ZZEF1: variants seen among roughly 807,000 people sequenced by gnomAD.
ZZEF1 encodes zinc finger ZZ-type and EF-hand domain containing 1.
Under a neutral mutation model 342.8 loss-of-function variants are expected in ZZEF1, and 157 were observed. That is an observed-to-expected ratio of 0.46 (90% CI 0.40 to 0.52). The LOEUF is 0.52. Ranked by LOEUF, ZZEF1 falls within the 20% of genes least tolerant of loss-of-function variation. The probability of loss-of-function intolerance (pLI) is 0.00; values close to 1 mark genes in which losing one functional copy is unlikely to be tolerated. For synonymous variants in ZZEF1, 1,505 were observed against 1,429.1 expected (o/e 1.05, Z -1.20); for missense variants, 3,480 against 3,725.6 (o/e 0.93, Z 1.72).
At chr17:4,044,188 T>C (rs770064373) in intron 38 of ZZEF1, 36 bp downstream of exon 38, 2 of 1,608,152 alleles carry the variant, frequency 1.2e-6, no homozygotes, top group Non-Finnish European at 8.5e-7. Context: ...CATTTTAAGA[T>C]GAAAGAGATG....
At chr17:4,025,158 G>A in intron 42 of ZZEF1, 40 bp from the exon 43 acceptor site, 1 of 1,589,070 alleles carries the variant, frequency 6.3e-7, no homozygotes, top group East Asian at 2.2e-5. Flanking sequence ...AGGCACAAAA[G>A]TACAGTTCAT....
At chr17:4,100,093 C>CCCGGG (rs1373725113) in intron 9 of ZZEF1, among the ~76,000 whole-genome samples, 1 of 152,146 alleles carries the variant, frequency 6.6e-6, no homozygotes, top group African/African-American at 2.4e-5. Context: ...ATTCTGTGGG[C>CCCGGG]CCTGCAGTGG....
intron 38 of ZZEF1, among the ~76,000 whole-genome samples, 195 bp from the exon 39 acceptor site, chr17:4,042,763 C>A (rs755403131): frequency 4.6e-5 from 7 of 152,190 alleles, no homozygotes; most frequent in Non-Finnish European, 8.8e-5. Context: ...CTCACTGCAA[C>A]CTCCACCTCC....
intron 39 of ZZEF1, among the ~76,000 whole-genome samples, chr17:4,034,768 G>A (rs775527116): frequency 3.9e-5 from 6 of 152,172 alleles, no homozygotes; most frequent in South Asian, 2.1e-4. Flanking sequence ...AGGCCAAGGC[G>A]GGAGAGTCAC....
At chr17:4,065,067 TA>T (rs1466026192) in intron 28 of ZZEF1, among the ~76,000 whole-genome samples, 1 of 150,852 alleles carries the variant, frequency 6.6e-6, no homozygotes, top group African/African-American at 2.4e-5. Flanking sequence ...GTAGAGAAAA[TA>T]AGTTAAATGT....
Position 4,140,581 on chromosome 17 carries a change from G to A in ZZEF1, c.354+1961C>T, listed in dbSNP as rs575403853. ...TCCAAGTGAGTGGCACTCGATATAC[G>A]CCCAATAAACATTTGCTCAGTGAAC... On this transcript the variant is annotated intron_variant, in intron 1 of 54. Transcript: ENST00000381638. Among the ~76,000 whole-genome samples the A allele has an allele frequency of 8.5e-5, 13 of 152,208 alleles. No individual in the cohort carries two copies. The East Asian group carries it at 1.5e-3, about 18-fold the overall frequency.
In ZZEF1 at chr17:4,078,113, C is replaced by CT; in HGVS notation, c.2830-72dup. Reference sequence around the variant, plus strand: ...CACAGAGCATAGCCAAGGGCATCCTCTAAAGCAGCAGCTGTCACCAGCAAA... The same window carrying CT: ...CACAGAGCATAGCCAAGGGCATCCTCTTAAAGCAGCAGCTGTCACCAGCAAA... On this transcript the variant is annotated intron_variant, in intron 18 of 54. Coordinates refer to ENST00000381638, the MANE Select transcript of ZZEF1 (RefSeq NM_015113.4). The CT allele has an allele frequency of 5.4e-6, 8 of 1,487,460 alleles. No homozygotes were observed. The Admixed American group carries it at 6.0e-5, about 11-fold the overall frequency. 92.1% of individuals were successfully genotyped at this position (1,487,460 alleles called of 1,614,324 possible).
intron 9 of ZZEF1, among the ~76,000 whole-genome samples, chr17:4,101,564 A>T (rs1433229556): frequency 1.3e-5 from 2 of 152,220 alleles, no homozygotes; most frequent in Non-Finnish European, 2.9e-5. Context: ...CACTAGGAAA[A>T]GAGTGAGGCT....
rs751095618 is a variant in ZZEF1, at chr17:4,074,207, C to T, written c.3628G>A (p.Val1210Ile). 1.4e-5 allele frequency: 23 copies of T among 1,613,962 alleles called. No homozygotes were observed. Among genetic ancestry groups the T allele is most frequent in the Admixed American group, 1.0e-4 (6 of 59,994 alleles). ...VSWGLDLQLL[V>I]SRLMGRLASQ... ...GCCAGGCGTCCCATCAGCCGGGAGACGAGGAGCTGTAAATCCAGCCCCCAA... is the reference window on the plus strand; with the variant it reads ...GCCAGGCGTCCCATCAGCCGGGAGATGAGGAGCTGTAAATCCAGCCCCCAA... The change falls in exon 24 of 55, where the codon GTC becomes ATC. Residue 1210 changes from valine (V) to isoleucine (I), a missense_variant. Val to Ile is a conservative substitution (Grantham distance 29). Coordinates refer to ENST00000381638, the MANE Select transcript of ZZEF1 (RefSeq NM_015113.4).
chr17:4,103,743 C>T (rs1326348360), intron 8 of ZZEF1, among the ~76,000 whole-genome samples: 2 of 151,918 alleles, frequency 1.3e-5, no homozygotes, highest in African/African-American at 4.8e-5. Context: ...CATAGTGAGA[C>T]CCAATCTCTA....
Position 4,017,242 on chromosome 17 carries a change from G to T in ZZEF1, c.8001+129C>A. 7.6e-7 allele frequency: 1 copy of T among 1,314,424 alleles called. No individual in the cohort carries two copies. Among genetic ancestry groups the T allele is most frequent in the Non-Finnish European group, 1.0e-6 (1 of 970,912 alleles). 81.4% of individuals were successfully genotyped at this position (1,314,424 alleles called of 1,614,324 possible). On this transcript the variant is annotated intron_variant, in intron 48 of 54. Coordinates refer to ENST00000381638, the MANE Select transcript of ZZEF1 (RefSeq NM_015113.4). The surrounding 1 kb of genome is among the most constrained non-coding windows in gnomAD (Gnocchi z 5.1). ...AGGATACAGTGACCCTACCTTTGCT[G>T]CATTCACACCTGTCAGGGAGCTGCA...
rs1263789588 is a variant in ZZEF1 at position 4,086,483 on chromosome 17, T to C, written c.2512+3A>G. 33 of 1,613,898 alleles carry C rather than the reference T, an allele frequency of 2.0e-5. No homozygotes were observed. The highest frequency in any genetic ancestry group is 2.8e-5 in the Non-Finnish European group (33 of 1,179,976). ...GTATTAAAGAGAAAACCCAAATCCC[T>C]ACCATCACACAAGTGTGTGTACAGC... On this transcript the variant is annotated splice_donor_region_variant and intron_variant, in intron 15 of 54. Transcript: ENST00000381638.
At chr17:4,074,493 T>C (rs1464962073) in intron 23 of ZZEF1, 142 bp from the exon 24 acceptor site, 1 of 855,780 alleles carries the variant, frequency 1.2e-6, no homozygotes, top group Non-Finnish European at 1.8e-6. Context: ...CGGAGAAATG[T>C]ACAAAGGGGT....
intron 1 of ZZEF1, among the ~76,000 whole-genome samples, chr17:4,126,338 T>C (rs779652747): frequency 1.3e-5 from 2 of 151,866 alleles, no homozygotes; most frequent in Non-Finnish European, 2.9e-5. Context: ...GTACTCATAG[T>C]TCAAAAAAGT....
chr17:4,053,970 C>T (rs941886576), intron 34 of ZZEF1, 87 bp downstream of exon 34: 12 of 1,449,774 alleles, frequency 8.3e-6, no homozygotes, highest in Non-Finnish European at 1.1e-5. Flanking sequence ...TGATTTAGTA[C>T]ACTGAGAGTT....
chr17:4,067,598 T>G (rs985685382), intron 26 of ZZEF1, among the ~76,000 whole-genome samples: 5 of 152,216 alleles, frequency 3.3e-5, no homozygotes, highest in African/African-American at 1.2e-4. Context: ...CATGGTATAT[T>G]AAGTAAAAAA....
chr17:4,044,118 C>A, intron 38 of ZZEF1, 106 bp downstream of exon 38: 3 of 1,273,196 alleles, frequency 2.4e-6, no homozygotes, highest in Non-Finnish European at 3.3e-6. Flanking sequence ...ACCACGCACC[C>A]CTGGCGTCTA....
chr17:4,041,020 A>G (rs994621455), intron 39 of ZZEF1, among the ~76,000 whole-genome samples: 9 of 152,158 alleles, frequency 5.9e-5, no homozygotes, highest in African/African-American at 2.2e-4. Context: ...GGCTATTAAG[A>G]GAGAACAAAG....
intron 31 of ZZEF1, 80 bp from the exon 32 acceptor site, chr17:4,058,235 T>C: frequency 6.9e-7 from 1 of 1,455,668 alleles, no homozygotes. Flanking sequence ...GTAGGTGACC[T>C]GGTTTGCAAT....
Sources: gnomAD v4.1 joint callset for allele counts (sites outside exome capture counted in the v4.1 genomes callset) on GRCh38, gnomAD v4.1.1 for gene constraint, Gnocchi (gnomAD v3.1) non-coding constraint, MANE v1.5 for transcripts, NCBI Gene and HGNC (gene_info 2026-07-23, HGNC 2026-07-21) for gene names.